MYRIP: variants seen among roughly 807,000 people sequenced by gnomAD.
The protein encoded by MYRIP is rab effector MyRIP.
In MYRIP, 49 loss-of-function variants were observed where a neutral mutation model predicts 98.0. That is an observed-to-expected ratio of 0.50 (90% confidence interval 0.40 to 0.63). The LOEUF (loss-of-function observed/expected upper bound fraction) is 0.63, where lower values mean the gene tolerates loss of function less well. MYRIP is among the 30% of genes least tolerant of loss of function. The pLI, the probability that MYRIP is intolerant of heterozygous loss-of-function variation, is 0.00. For missense variants in MYRIP, 1,004 were observed against 1,058.2 expected (o/e 0.95, Z 0.71); for synonymous variants, 404 against 409.5 (o/e 0.99, Z 0.16).
chr3:40,175,615 A>G (rs1950736319), intron 8 of MYRIP, among the ~76,000 whole-genome samples: 1 of 152,224 alleles, frequency 6.6e-6, no homozygotes, highest in Non-Finnish European at 1.5e-5. Flanking sequence ...GCACCATAGC[A>G]GGGCCAGCCT....
At chr3:39,824,701 A>G (rs1482341043) in intron 1 of MYRIP, among the ~76,000 whole-genome samples, 2 of 148,590 alleles carry the variant, frequency 1.3e-5, no homozygotes, top group Non-Finnish European at 3.0e-5. Flanking sequence ...TACTAATCCG[A>G]CTGATCGTTT....
intron 1 of MYRIP, among the ~76,000 whole-genome samples, chr3:39,865,487 TAAAC>T (rs947356310): frequency 2.0e-5 from 3 of 151,714 alleles, no homozygotes; most frequent in Non-Finnish European, 4.4e-5. Context: ...AAGCAAAAAA[TAAAC>T]AATCCCATAA....
rs200311249 is a variant in MYRIP, at chr3:40,200,278, C to CA, written c.1666-9567dup. Among the ~76,000 whole-genome samples, 592 of 150,284 alleles carry CA rather than the reference C, an allele frequency of 3.9e-3. 1 individual carries two copies. The highest frequency in any genetic ancestry group is 0.014 in the African/African-American group (560 of 41,004). ...AGCTGATGAGCTAAAAGAAAAATCG[C>CA]AAAAAAAAATTTTGTTATGTTTTAA... On this transcript the variant is annotated intron_variant, in intron 10 of 16. Coordinates refer to ENST00000302541, the MANE Select transcript of MYRIP (RefSeq NM_015460.4).
At chr3:39,926,343 G>A (rs575751258) in intron 2 of MYRIP, among the ~76,000 whole-genome samples, 1 of 151,828 alleles carries the variant, frequency 6.6e-6, no homozygotes, top group Non-Finnish European at 1.5e-5. Context: ...GTTTAATTAG[G>A]TTCTACTTGT....
chr3:40,238,899 T>A (rs975970253), intron 12 of MYRIP, among the ~76,000 whole-genome samples: 4 of 152,156 alleles, frequency 2.6e-5, no homozygotes, highest in African/African-American at 9.7e-5. Context: ...GGGTATTTTT[T>A]TATTTTTATT....
intron 10 of MYRIP, among the ~76,000 whole-genome samples, chr3:40,192,877 G>T (rs73067678): frequency 6.6e-6 from 1 of 152,298 alleles, no homozygotes; most frequent in Non-Finnish European, 1.5e-5. Context: ...CACTGGTGCA[G>T]TTGCCCATCA....
At chr3:39,843,412 G>T (rs1299062502) in intron 1 of MYRIP, among the ~76,000 whole-genome samples, 1 of 152,160 alleles carries the variant, frequency 6.6e-6, no homozygotes, top group Non-Finnish European at 1.5e-5. Context: ...CTTATTTATT[G>T]CATTTGGGCC....
intron 11 of MYRIP, among the ~76,000 whole-genome samples, chr3:40,232,372 A>G (rs1216168489): frequency 6.6e-6 from 1 of 152,228 alleles, no homozygotes; most frequent in African/African-American, 2.4e-5. Context: ...TTTGTCATTT[A>G]GCCCCTTTGC....
chr3:40,144,988 G>A (rs1390510223), intron 3 of MYRIP, among the ~76,000 whole-genome samples: 2 of 152,130 alleles, frequency 1.3e-5, no homozygotes, highest in Admixed American at 6.5e-5. Context: ...TCATTTTAGA[G>A]CTATTAAAAG....
chr3:40,230,045 C>T (rs1952605603), intron 11 of MYRIP, among the ~76,000 whole-genome samples: 3 of 152,178 alleles, frequency 2.0e-5, no homozygotes, highest in Admixed American at 1.3e-4. Context: ...GTTTACCAGC[C>T]ATTTTCATTC....
At chr3:40,178,542 G>A in intron 8 of MYRIP, among the ~76,000 whole-genome samples, 1 of 152,096 alleles carries the variant, frequency 6.6e-6, no homozygotes, top group East Asian at 1.9e-4. Context: ...CATATGCTTT[G>A]GGCAAGTTAT....
chr3:39,896,190 G>A (rs376370602), intron 1 of MYRIP, among the ~76,000 whole-genome samples: 2 of 152,230 alleles, frequency 1.3e-5, no homozygotes, highest in East Asian at 1.9e-4. Flanking sequence ...AGAACACCAA[G>A]ACTAACATCT....
chr3:40,215,320 T>C (rs1027624840), intron 11 of MYRIP, among the ~76,000 whole-genome samples: 3 of 152,218 alleles, frequency 2.0e-5, no homozygotes, highest in African/African-American at 7.2e-5. Context: ...TAGAGTTTCA[T>C]AGAGTAATTT....
At chr3:40,092,837 A>G (rs1948754747) in intron 3 of MYRIP, among the ~76,000 whole-genome samples, 2 of 152,160 alleles carry the variant, frequency 1.3e-5, no homozygotes, top group African/African-American at 4.8e-5. Context: ...TAGGAACTTG[A>G]GGTTACCACC....
intron 1 of MYRIP, among the ~76,000 whole-genome samples, chr3:39,861,290 A>G (rs1333642880): frequency 3.3e-5 from 5 of 152,180 alleles, no homozygotes; most frequent in Admixed American, 2.0e-4. Context: ...ACCTTATACC[A>G]TAATCAAACC....
chr3:40,135,488 A>G (rs1378107715), intron 3 of MYRIP, among the ~76,000 whole-genome samples: 1 of 152,212 alleles, frequency 6.6e-6, no homozygotes, highest in Non-Finnish European at 1.5e-5. Flanking sequence ...AACTTCCCCA[A>G]TCTAGCAAGG....
chr3:39,893,676 A>T (rs1341919712), intron 1 of MYRIP, among the ~76,000 whole-genome samples: 2 of 31,466 alleles, frequency 6.4e-5, no homozygotes, highest in African/African-American at 3.8e-4. Flanking sequence ...AGTGGAAATC[A>T]CACACACACA....
In MYRIP at chr3:40,004,602, C is replaced by T. The variant is rs551561304; in HGVS notation, c.111-39448C>T. Among the ~76,000 whole-genome samples the T allele has an allele frequency of 3.5e-4, 54 of 152,242 alleles. No individual in the cohort carries two copies. The South Asian group carries it at 0.01, about 29-fold the overall frequency. ...CACCCGAGCAGTATACACTGTACCC[C>T]ATGTGTAGTCTTTTATCCCTCACCC... On this transcript the variant is annotated intron_variant, in intron 2 of 16. Coordinates refer to ENST00000302541, the MANE Select transcript of MYRIP (RefSeq NM_015460.4).
chr3:39,871,893 T>C (rs993866636), intron 1 of MYRIP, among the ~76,000 whole-genome samples: 1 of 152,124 alleles, frequency 6.6e-6, no homozygotes, highest in African/African-American at 2.4e-5. Context: ...AAGCATTATA[T>C]GTGTATGCTA....
Sources: gnomAD v4.1 joint callset for allele counts (sites outside exome capture counted in the v4.1 genomes callset) on GRCh38, gnomAD v4.1.1 for gene constraint, MANE v1.5 for transcripts, NCBI Gene and HGNC (gene_info 2026-07-23, HGNC 2026-07-21) for gene names.